DOCK3: variants seen among roughly 807,000 people sequenced by gnomAD.
DOCK3 encodes the protein dedicator of cytokinesis protein 3.
Under a neutral mutation model 265.6 loss-of-function variants are expected in DOCK3, and 60 were observed. The observed-to-expected ratio is 0.23, with a 90% CI of 0.18 to 0.28. DOCK3 has a LOEUF of 0.28. Among genes scored for constraint, DOCK3 ranks in the 10% least tolerant of loss-of-function variants. The pLI is 1.00. For synonymous variants in DOCK3, 881 were observed against 938.0 expected, an observed-to-expected ratio of 0.94 and a Z score of 1.11; for missense variants, 1,981 against 2,594.3, an observed-to-expected ratio of 0.76 and a Z score of 5.14.
Position 51,382,829 on chromosome 3 carries a change from G to C in DOCK3, c.*1270G>C, listed in dbSNP as rs1248271563. ...ATAGGAAACTATAAAGCAGAGCAGT[G>C]GTGTCTTTAGAGGAAACTCATTCAA... On this transcript the variant is annotated 3_prime_UTR_variant, in exon 53 of 53. Transcript: ENST00000266037. The C allele has an allele frequency of 3.9e-5, 6 of 152,312 alleles. No homozygotes were observed. The highest frequency in any genetic ancestry group is 1.5e-5 in the Non-Finnish European group (1 of 68,024). 9.4% of individuals were successfully genotyped at this position (152,312 alleles called of 1,614,324 possible).
intron 5 of DOCK3, among the ~76,000 whole-genome samples, chr3:51,056,129 G>C (rs184203868): frequency 4.6e-5 from 7 of 152,304 alleles, no homozygotes; most frequent in Admixed American, 4.6e-4. Context: ...CTTTGGTTTA[G>C]ATACTGTTTT....
chr3:51,127,479 G>A (rs9841339), intron 9 of DOCK3, among the ~76,000 whole-genome samples: 138,836 of 152,262 alleles, frequency 0.91, 63,445 homozygotes, highest in African/African-American at 0.95. Context: ...AACCGGAAAC[G>A]TACCAATCCC....
At chr3:51,332,099 C>T (rs1266488149) in intron 33 of DOCK3, among the ~76,000 whole-genome samples, 2 of 152,366 alleles carry the variant, frequency 1.3e-5, no homozygotes, top group South Asian at 2.1e-4. Flanking sequence ...GCAGCATTAA[C>T]AGCAGTCAGG....
At chr3:51,230,373 T>G (rs2090494093) in intron 19 of DOCK3, among the ~76,000 whole-genome samples, 1 of 152,214 alleles carries the variant, frequency 6.6e-6, no homozygotes, top group African/African-American at 2.4e-5. Context: ...ATGCAGTATT[T>G]GGTTTTTCTG....
chr3:51,319,637 C>T (rs534224258), intron 32 of DOCK3, among the ~76,000 whole-genome samples: 47 of 152,126 alleles, frequency 3.1e-4, no homozygotes, highest in Admixed American at 2.0e-3. Context: ...GAGGCTGAGG[C>T]GGGTGGATCA....
chr3:51,326,290 T>G (rs2084107980), intron 32 of DOCK3, among the ~76,000 whole-genome samples: 1 of 150,788 alleles, frequency 6.6e-6, no homozygotes, highest in Non-Finnish European at 1.5e-5. Flanking sequence ...AGACGGAGTC[T>G]CGCTCTGTCA....
At chr3:51,089,096 C>T (rs757855300) in intron 7 of DOCK3, 147 bp from the exon 8 acceptor site, 98 of 872,182 alleles carry the variant, frequency 1.1e-4, no homozygotes, top group Middle Eastern at 3.4e-4. Flanking sequence ...CCACCAAATA[C>T]GAATAACACT....
chr3:50,980,904 A>G (rs2077666291), intron 5 of DOCK3, among the ~76,000 whole-genome samples: 1 of 151,730 alleles, frequency 6.6e-6, no homozygotes, highest in Non-Finnish European at 1.5e-5. Flanking sequence ...TGAAAAAAAC[A>G]GCTTTTTGTT....
At chr3:50,947,048 G>A (rs1368663427) in intron 5 of DOCK3, among the ~76,000 whole-genome samples, 1 of 152,116 alleles carries the variant, frequency 6.6e-6, no homozygotes. Context: ...TCTATGAGAT[G>A]TCACTGAGGA....
chr3:51,247,195 A>AT (rs1230623673), intron 22 of DOCK3, among the ~76,000 whole-genome samples: 3 of 152,200 alleles, frequency 2.0e-5, no homozygotes, highest in Non-Finnish European at 4.4e-5. Flanking sequence ...CTAAGCATAG[A>AT]TTTTTTGAAC....
chr3:51,013,893 C>A (rs2079048435), intron 5 of DOCK3, among the ~76,000 whole-genome samples: 1 of 152,212 alleles, frequency 6.6e-6, no homozygotes, highest in Admixed American at 6.5e-5. Context: ...CGCCCCTCCC[C>A]CAGCCATGCT....
chr3:51,064,299 C>A, intron 5 of DOCK3, 149 bp from the exon 6 acceptor site: 2 of 994,312 alleles, frequency 2.0e-6, no homozygotes, highest in Non-Finnish European at 2.9e-6. Context: ...GAGGTAATGA[C>A]TTTCAGACTT....
chr3:51,295,103 C>T (rs1281862172), intron 27 of DOCK3, among the ~76,000 whole-genome samples: 1 of 152,146 alleles, frequency 6.6e-6, no homozygotes, highest in Non-Finnish European at 1.5e-5. Context: ...ATGATCATCT[C>T]AGTTAATGTC....
chr3:50,719,710 G>C, intron 1 of DOCK3: 1 of 1,450,910 alleles, frequency 6.9e-7, no homozygotes, highest in African/African-American at 1.4e-5. Context: ...GTATGCTTCA[G>C]AGTGAAGTTC....
chr3:50,863,016 G>T (rs548280634), intron 3 of DOCK3, among the ~76,000 whole-genome samples: 1 of 152,334 alleles, frequency 6.6e-6, no homozygotes, highest in Non-Finnish European at 1.5e-5. Flanking sequence ...ATTTCCGGGT[G>T]TTGGTGCTGG....
intron 10 of DOCK3, among the ~76,000 whole-genome samples, chr3:51,156,227 A>C (rs1272131608): frequency 6.6e-6 from 1 of 152,220 alleles, no homozygotes; most frequent in Admixed American, 6.5e-5. Flanking sequence ...GAAGTTAATT[A>C]ACTTTTTCGT....
intron 5 of DOCK3, among the ~76,000 whole-genome samples, chr3:50,939,272 A>G (rs895192323): frequency 3.9e-5 from 6 of 152,144 alleles, no homozygotes; most frequent in Non-Finnish European, 8.8e-5. Flanking sequence ...AATTGAATTT[A>G]TAATTAAAAT....
At chr3:50,717,613 G>A (rs2107982629) in intron 1 of DOCK3, among the ~76,000 whole-genome samples, 1 of 152,070 alleles carries the variant, frequency 6.6e-6, no homozygotes, top group East Asian at 1.9e-4. Flanking sequence ...TAATAACAAA[G>A]TGTCTTTATG....
intron 5 of DOCK3, among the ~76,000 whole-genome samples, chr3:51,007,969 C>A (rs993666887): frequency 6.6e-6 from 1 of 152,204 alleles, no homozygotes; most frequent in Non-Finnish European, 1.5e-5. Context: ...CCATTCTGTT[C>A]CATTGGTCTG....
Sources: gnomAD v4.1 joint callset for allele counts (sites outside exome capture counted in the v4.1 genomes callset) on GRCh38, gnomAD v4.1.1 for gene constraint, MANE v1.5 for transcripts, NCBI Gene and HGNC (gene_info 2026-07-23, HGNC 2026-07-21) for gene names.